The following AGBL2 variants were observed in gnomAD, a reference collection of about 807,000 sequenced individuals.
The protein encoded by AGBL2 is cytosolic carboxypeptidase 2.
A neutral mutation model predicts 103.0 loss-of-function variants in AGBL2; 87 were observed. The observed-to-expected ratio is 0.84, with a 90% CI of 0.71 to 1.01. AGBL2 has a LOEUF of 1.01. AGBL2 is among the 50% of genes least tolerant of loss of function. The pLI is 0.00. For synonymous variants in AGBL2, 335 were observed against 356.7 expected (o/e 0.94, Z 0.69); for missense variants, 904 against 1,023.5 (o/e 0.88, Z 1.59).
chr11:47,680,077 GAAA>G lies in AGBL2; in HGVS notation c.1916-7_1916-5del. ...AAGTGGGTGTCTCTTTTATTACCTG[GAAA>G]AAAAAAAAACCCCGCAAACATTTCC... On this transcript the variant is annotated splice_polypyrimidine_tract_variant and splice_region_variant and intron_variant, in intron 12 of 18. Transcript: ENST00000525123. 5 of 1,204,506 alleles carry G rather than the reference GAAA, an allele frequency of 4.2e-6. No homozygotes were observed. The highest frequency in any genetic ancestry group is 1.5e-5 in the South Asian group (1 of 65,740). 74.6% of individuals were successfully genotyped at this position (1,204,506 alleles called of 1,614,324 possible).
chr11:47,679,948 A>T, intron 13 of AGBL2, 25 bp downstream of exon 13: 3 of 1,465,008 alleles, frequency 2.0e-6, no homozygotes, highest in South Asian at 2.3e-5. Flanking sequence ...GGCCTTCATC[A>T]CATTTCTTGA....
At chr11:47,677,881 G>A (rs111925938) in intron 13 of AGBL2, among the ~76,000 whole-genome samples, 12 of 152,224 alleles carry the variant, frequency 7.9e-5, no homozygotes, top group African/African-American at 2.6e-4. Context: ...TTACATGAGC[G>A]GGAGGAACAA....
intron 14 of AGBL2, among the ~76,000 whole-genome samples, chr11:47,671,178 G>A (rs1239784197): frequency 6.6e-6 from 1 of 152,024 alleles, no homozygotes; most frequent in Non-Finnish European, 1.5e-5. Context: ...TAGTTGGCTA[G>A]AACCAAGAGC....
At chr11:47,670,515 C>T (rs1198749251) in intron 14 of AGBL2, among the ~76,000 whole-genome samples, 3 of 151,966 alleles carry the variant, frequency 2.0e-5, no homozygotes, top group African/African-American at 7.2e-5. Flanking sequence ...AAAGAACCTT[C>T]AGGTCAGAGA....
At chr11:47,696,185 C>CAA (rs200029588) in intron 8 of AGBL2, among the ~76,000 whole-genome samples, 5 of 97,784 alleles carry the variant, frequency 5.1e-5, no homozygotes, top group African/African-American at 1.2e-4. Flanking sequence ...GACTCTGTCT[C>CAA]AAAAAAAAAA....
rs140759333 is a variant in AGBL2, at chr11:47,710,155, C to T, written c.232+222G>A. The T allele has an allele frequency of 3.8e-4, 193 of 506,474 alleles. 2 individuals are homozygous for T. The highest frequency in any genetic ancestry group is 3.3e-3 in the African/African-American group (172 of 51,998). The allele number at this position is 506,474 out of a possible 1,614,324, so 31.4% of individuals were successfully genotyped here. On this transcript the variant is annotated intron_variant, in intron 4 of 18. Coordinates refer to ENST00000525123, the MANE Select transcript of AGBL2 (RefSeq NM_024783.4). ...CCTCCCACCTCAGCCTCCCAAAGTG[C>T]TGAGATTACAGGCGTGATCACCATG...
intron 4 of AGBL2, among the ~76,000 whole-genome samples, chr11:47,707,427 A>T (rs1317058786): frequency 3.3e-5 from 5 of 152,172 alleles, no homozygotes; most frequent in Admixed American, 6.5e-5. Flanking sequence ...GGCAAGGAGG[A>T]GCAAGTCATG....
chr11:47,668,578 A>C (rs562339215), intron 15 of AGBL2, among the ~76,000 whole-genome samples: 60 of 152,218 alleles, frequency 3.9e-4, no homozygotes, highest in Non-Finnish European at 7.3e-4. Flanking sequence ...ACTTATGGCA[A>C]TAATATCAGG....
rs370614257 is a variant in AGBL2 at position 47,690,785 on chromosome 11, G to A, written c.922C>T (p.Arg308Cys). 4.4e-5 allele frequency: 71 copies of A among 1,613,912 alleles called. No homozygotes were observed. The highest frequency in any genetic ancestry group is 5.7e-5 in the Non-Finnish European group (67 of 1,179,960). Reference sequence around the variant, plus strand: ...GCATCTTTTCTGGTGTTCTGAACACGAAAATAAAACCACTGAGTGTGTTTG... The same window carrying A: ...GCATCTTTTCTGGTGTTCTGAACACAAAAATAAAACCACTGAGTGTGTTTG... ...TNKHTQWFYF[R>C]VQNTRKDATY... Residue 308 changes from arginine to cysteine, a missense_variant, in exon 10 of 19, where the codon CGT (arginine) becomes TGT (cysteine). Arg to Cys is a radical substitution (Grantham distance 180). Transcript: ENST00000525123.
intron 9 of AGBL2, among the ~76,000 whole-genome samples, chr11:47,691,729 A>AAAAAAAAAAAAATATATACATATATAT: frequency 2.1e-4 from 1 of 4,850 alleles, no homozygotes; most frequent in Non-Finnish European, 3.6e-4. Flanking sequence ...AAAAAAAAAA[A>AAAAAAAAAAAAATATATACATATATAT]ATATATATAT....
chr11:47,660,256 G>A lies in AGBL2; in HGVS notation c.2626C>T (p.Pro876Ser), dbSNP rs1315140436. The A allele has an allele frequency of 1.2e-6, 2 of 1,614,196 alleles. No individual in the cohort carries two copies. The highest frequency in any genetic ancestry group is 1.7e-6 in the Non-Finnish European group (2 of 1,180,032). Residue 876 changes from proline (P) to serine (S), a missense_variant, in exon 19 of 19, where the codon CCT (proline) becomes TCT (serine). Pro to Ser is a moderately conservative substitution (Grantham distance 74). Coordinates refer to ENST00000525123, the MANE Select transcript of AGBL2 (RefSeq NM_024783.4). ...TTTGTGGCAGGATATCTGCTCCTAG[G>A]CCAGTTTGGCTTCATACCTGGAGCT... ...EPAPGMKPNW[P>S]RSRYPATKRG... is the part of the protein sequence containing the mutation.
chr11:47,692,082 C>T (rs762671621), intron 9 of AGBL2, 21 bp downstream of exon 9: 3 of 1,600,926 alleles, frequency 1.9e-6, no homozygotes, highest in Non-Finnish European at 1.7e-6. Flanking sequence ...ATTATCATCC[C>T]TTTGAGAAAT....
intron 14 of AGBL2, among the ~76,000 whole-genome samples, chr11:47,674,436 G>T (rs1027233996): frequency 6.6e-6 from 1 of 151,724 alleles, no homozygotes; most frequent in African/African-American, 2.4e-5. Context: ...GCGTGGTGGC[G>T]TGCACCTGTA....
chr11:47,690,371 G>T lies in AGBL2; in HGVS notation c.1336C>A (p.Pro446Thr), dbSNP rs141280164. ...LLTITNPSQT[P>T]QEAAAKKAVV... ...GCTTTCTTTGCAGCTGCCTCTTGAG[G>T]GGTCTGGGATGGGTTGGTGATGGTG... is the stretch of plus-strand genomic sequence containing the variant. The change falls in exon 10 of 19, where the codon CCT (proline) becomes ACT (threonine). Residue 446 changes from proline to threonine, a missense_variant. Physicochemically the swap from Pro to Thr is conservative, Grantham distance 38. Coordinates refer to ENST00000525123, the MANE Select transcript of AGBL2 (RefSeq NM_024783.4). 1.2e-4 allele frequency: 186 copies of T among 1,614,102 alleles called. No homozygotes were observed. Among genetic ancestry groups the T allele is most frequent in the Admixed American group, 2.0e-4 (12 of 60,000 alleles).
At position 47,690,412 on chromosome 11, in the gene AGBL2, T is replaced by C. The variant is rs932922260; in HGVS notation, c.1295A>G (p.Asn432Ser). 1.9e-6 allele frequency: 3 copies of C among 1,614,020 alleles called. No homozygotes were observed. The highest frequency in any genetic ancestry group is 1.3e-5 in the African/African-American group (1 of 74,912). Residue 432 changes from asparagine to serine, a missense_variant, in exon 10 of 19, where the codon AAT becomes AGT. By Grantham distance (46) the Asn-to-Ser change is conservative. Coordinates refer to ENST00000525123, the MANE Select transcript of AGBL2 (RefSeq NM_024783.4). ...LQTLCRSLAG[N>S]TVYLLTITNP... is the part of the protein sequence containing the mutation. ...GGTGATGGTGAGCAAGTAAACGGTA[T>C]TTCCTGCTAGGCTCCTGCATAAAGT...
chr11:47,674,201 G>A (rs2097366745), intron 14 of AGBL2, among the ~76,000 whole-genome samples: 1 of 152,174 alleles, frequency 6.6e-6, no homozygotes, highest in Non-Finnish European at 1.5e-5. Flanking sequence ...GGGATAAGGA[G>A]TGGCAGGAGG....
intron 8 of AGBL2, among the ~76,000 whole-genome samples, chr11:47,696,653 T>G (rs1264533358): frequency 1.3e-5 from 2 of 152,166 alleles, no homozygotes; most frequent in Non-Finnish European, 2.9e-5. Flanking sequence ...TTGAGTCAGT[T>G]TTTGTAACTT....
At chr11:47,695,585 G>A (rs2097466137) in intron 8 of AGBL2, among the ~76,000 whole-genome samples, 1 of 151,204 alleles carries the variant, frequency 6.6e-6, no homozygotes, top group Admixed American at 6.6e-5. Context: ...GACCAGCCTG[G>A]GCAGCGGTGA....
chr11:47,690,463 A>G lies in AGBL2; in HGVS notation c.1244T>C (p.Ile415Thr), dbSNP rs376328106. The G allele has an allele frequency of 3.3e-5, 54 of 1,613,964 alleles. No homozygotes were observed. The African/African-American group carries it at 6.5e-4, about 20-fold the overall frequency. ...TTGGAGCTTGCAGAACTGAGACTGGATAGGGTTGTTTGCCACTGACAGGAG... is the reference window on the plus strand; with the variant it reads ...TTGGAGCTTGCAGAACTGAGACTGGGTAGGGTTGTTTGCCACTGACAGGAG... ...CYLLSVANNPIQSQFCKLQTL... is the reference protein window; with the variant it reads ...CYLLSVANNPTQSQFCKLQTL... Residue 415 changes from isoleucine (I) to threonine (T), a missense_variant, in exon 10 of 19, where the codon ATC becomes ACC. By Grantham distance (89) the Ile-to-Thr change is moderately conservative. Coordinates refer to ENST00000525123, the MANE Select transcript of AGBL2 (RefSeq NM_024783.4).
Sources: allele counts gnomAD v4.1 joint callset (sites outside exome capture counted in the v4.1 genomes callset), GRCh38; gene constraint gnomAD v4.1.1; transcripts MANE v1.5; gene names NCBI Gene and HGNC (gene_info 2026-07-23, HGNC 2026-07-21).